The following ZNG1A variants were observed in gnomAD, a reference collection of about 807,000 sequenced individuals.
ZNG1A encodes Zn regulated GTPase metalloprotein activator 1A, also known as zinc-regulated GTPase metalloprotein activator 1A.
At chr9:158,077 T>C in the ZNG1A span, among the ~76,000 whole-genome samples, 3 of 145,178 alleles carry the variant, frequency 2.1e-5, no homozygotes, top group East Asian at 4.0e-4. Context: ...ATTCATTCCA[T>C]GCCAAAAGAC....
chr9:131,339 T>C, the ZNG1A span, among the ~76,000 whole-genome samples: 1 of 148,772 alleles, frequency 6.7e-6, no homozygotes, highest in African/African-American at 2.6e-5. Flanking sequence ...CTCAGGTTTG[T>C]TTATTTAGTC....
At chr9:172,567 T>A in the ZNG1A span, 1 of 159,636 alleles carries the variant, frequency 6.3e-6, no homozygotes, top group Non-Finnish European at 1.4e-5. Context: ...AATTCTATTT[T>A]ACATTAGGAT....
chr9:166,445 A>G, the ZNG1A span: 2 of 152,206 alleles, frequency 1.3e-5, no homozygotes, highest in Non-Finnish European at 2.9e-5. Flanking sequence ...ACATGTATGC[A>G]TATGTATTAC....
At chr9:175,854 A>G in the ZNG1A span, 1 of 1,056,736 alleles carries the variant, frequency 9.5e-7, no homozygotes, top group Non-Finnish European at 1.3e-6. Flanking sequence ...CATATAAAGA[A>G]TCCTAACGTT....
the ZNG1A span, among the ~76,000 whole-genome samples, chr9:128,760 T>C: frequency 6.6e-6 from 1 of 150,716 alleles, no homozygotes; most frequent in African/African-American, 2.5e-5. Context: ...CCTTGTTTTG[T>C]CATACTACCA....
the ZNG1A span, among the ~76,000 whole-genome samples, chr9:145,872 C>T: frequency 7.9e-5 from 12 of 151,648 alleles, no homozygotes; most frequent in East Asian, 2.1e-3. Context: ...AACGATTAGC[C>T]TCTAAAGTTA....
the ZNG1A span, among the ~76,000 whole-genome samples, chr9:175,256 T>G: frequency 6.6e-6 from 1 of 151,900 alleles, no homozygotes; most frequent in African/African-American, 2.4e-5. Flanking sequence ...CGCACGCCTG[T>G]AGTCCCAGCT....
chr9:155,336 T>C, the ZNG1A span, among the ~76,000 whole-genome samples: 5 of 151,088 alleles, frequency 3.3e-5, no homozygotes, highest in African/African-American at 1.2e-4. Context: ...CCTGTAGTCC[T>C]GGCTACTTAG....
At chr9:175,102 G>A in the ZNG1A span, among the ~76,000 whole-genome samples, 1 of 152,122 alleles carries the variant, frequency 6.6e-6, no homozygotes, top group South Asian at 2.1e-4. Context: ...TTTTTCGCCA[G>A]GCATGGTGCC....
the ZNG1A span, among the ~76,000 whole-genome samples, chr9:158,181 C>A: frequency 6.8e-6 from 1 of 147,920 alleles, no homozygotes; most frequent in Non-Finnish European, 1.5e-5. Context: ...AGGCTGCTAA[C>A]AGACCTTGGA....
the ZNG1A span, among the ~76,000 whole-genome samples, chr9:129,623 T>A: frequency 6.7e-6 from 1 of 148,670 alleles, no homozygotes; most frequent in Middle Eastern, 3.2e-3. Context: ...GTGAAACTCA[T>A]CAAATCAGAA....
At chr9:151,617 AG>A in the ZNG1A span, 1 of 524,086 alleles carries the variant, frequency 1.9e-6, no homozygotes, top group African/African-American at 2.4e-5. Context: ...AGAATTTGTC[AG>A]GAACTTCAAG....
At chr9:145,762 A>C in the ZNG1A span, among the ~76,000 whole-genome samples, 2 of 151,840 alleles carry the variant, frequency 1.3e-5, no homozygotes, top group African/African-American at 4.8e-5. Context: ...TAAAGTGAAG[A>C]GAGTTATTTG....
chr9:156,379 T>G, the ZNG1A span: 26,165 of 1,443,996 alleles, frequency 0.018, 344 homozygotes, highest in South Asian at 0.051. Flanking sequence ...AAATTTTCCT[T>G]GACTATGTTT....
the ZNG1A span, among the ~76,000 whole-genome samples, chr9:138,584 A>G: frequency 1.3e-5 from 2 of 148,832 alleles, no homozygotes; most frequent in South Asian, 4.3e-4. Context: ...TTTTAAGGGC[A>G]TGGCTAAGGC....
the ZNG1A span, chr9:154,297 A>G: frequency 3.8e-6 from 1 of 260,564 alleles, no homozygotes; most frequent in African/African-American, 2.2e-5. Flanking sequence ...TAAAAAAAAA[A>G]AAAGCAGAAC....
the ZNG1A span, among the ~76,000 whole-genome samples, chr9:173,766 A>G: frequency 6.6e-6 from 1 of 152,092 alleles, no homozygotes; most frequent in African/African-American, 2.4e-5. Context: ...TGCCTTATCT[A>G]TCTTTTTCTT....
At chr9:130,080 C>T in the ZNG1A span, among the ~76,000 whole-genome samples, 1 of 151,322 alleles carries the variant, frequency 6.6e-6, no homozygotes, top group Non-Finnish European at 1.5e-5. Flanking sequence ...TCAGCTCCAT[C>T]GTAATCTTAT....
the ZNG1A span, among the ~76,000 whole-genome samples, chr9:144,886 G>T: frequency 4.0e-5 from 6 of 151,278 alleles, no homozygotes; most frequent in Non-Finnish European, 7.4e-5. Context: ...AGTGGGCGAA[G>T]GACATGAACA....
Sources: gnomAD v4.1 joint callset for allele counts (sites outside exome capture counted in the v4.1 genomes callset) on GRCh38, gnomAD v4.1.1 for gene constraint, MANE v1.5 for transcripts, NCBI Gene and HGNC (gene_info 2026-07-23, HGNC 2026-07-21) for gene names.